The following SYNGR4 variants were observed in gnomAD, a reference collection of about 807,000 sequenced individuals.
SYNGR4 encodes synaptogyrin 4.
In SYNGR4, 15 loss-of-function variants were observed where a neutral mutation model predicts 15.5. The observed-to-expected ratio is 0.97, with a 90% CI of 0.65 to 1.49. The LOEUF (loss-of-function observed/expected upper bound fraction) is 1.49, where lower values mean the gene tolerates loss of function less well. SYNGR4 is among the 40% of genes most tolerant of loss of function. The pLI is 0.00. For synonymous variants in SYNGR4, 121 were observed against 127.4 expected, an observed-to-expected ratio of 0.95 and a Z score of 0.34; for missense variants, 292 against 299.3, an observed-to-expected ratio of 0.98 and a Z score of 0.18.
chr19:48,375,584 G>A (rs774716918), intron 3 of SYNGR4, 29 bp from the exon 4 acceptor site: 2 of 1,596,290 alleles, frequency 1.3e-6, no homozygotes, highest in Admixed American at 3.4e-5. Context: ...CTTTCCCCCT[G>A]CCCCTTTTCT....
chr19:48,375,503 C>G, intron 3 of SYNGR4, 110 bp from the exon 4 acceptor site: 1 of 1,383,228 alleles, frequency 7.2e-7, no homozygotes, highest in Non-Finnish European at 9.9e-7. Flanking sequence ...TTTTCAATAC[C>G]TCGTGGAAGT....
upstream of SYNGR4, chr19:48,364,275 T>C: frequency 2.9e-6 from 1 of 346,068 alleles, no homozygotes; most frequent in Non-Finnish European, 5.3e-6. Context: ...AGCTCCTGAG[T>C]AGGCGGAAAG....
At chr19:48,372,738 C>G (rs1444091086) in intron 2 of SYNGR4, among the ~76,000 whole-genome samples, 1 of 152,116 alleles carries the variant, frequency 6.6e-6, no homozygotes, top group African/African-American at 2.4e-5. Context: ...AAAAACAAGG[C>G]AAAATGTTAA....
Position 48,365,967 on chromosome 19 carries a change from T to C in SYNGR4, c.93+32T>C, listed in dbSNP as rs778284361. On this transcript the variant is annotated intron_variant, in intron 2 of 4. Transcript: ENST00000344846. ...CCCTCCCATGGCCCGACTGTGCCCC[T>C]GGGTGACAGGAGCCAGGAGCTCTCA... 1.3e-5 allele frequency: 21 copies of C among 1,609,156 alleles called. No homozygotes were observed. In the East Asian group the frequency reaches 4.7e-4, roughly 36 times the overall value.
In SYNGR4 at chr19:48,375,606, G is replaced by A. The variant is rs761187278; in HGVS notation, c.332-7G>A. The A allele has an allele frequency of 3.2e-5, 51 of 1,607,606 alleles. No individual in the cohort carries two copies. The highest frequency in any genetic ancestry group is 3.3e-4 in the Middle Eastern group (2 of 6,060). On this transcript the variant is annotated splice_polypyrimidine_tract_variant and splice_region_variant and intron_variant, in intron 3 of 4. Transcript: ENST00000344846. ...CCTGCCCCTTTTCTCTCCCTGTGAC[G>A]CCACAGTTCTCTGGGCAGTTGTCTG...
chr19:48,373,827 C>T (rs560401293), intron 3 of SYNGR4, 73 bp downstream of exon 3: 29 of 1,494,404 alleles, frequency 1.9e-5, no homozygotes, highest in Non-Finnish European at 2.6e-5. Flanking sequence ...CCCAGGGCCT[C>T]CCGGGCACAA....
chr19:48,369,123 AC>A (rs372944871), intron 2 of SYNGR4, among the ~76,000 whole-genome samples: 1 of 143,540 alleles, frequency 7.0e-6, no homozygotes, highest in East Asian at 2.1e-4. Flanking sequence ...CACCGTCCCT[AC>A]CCCCCCGCCC....
At chr19:48,367,520 A>G (rs1350073619) in intron 2 of SYNGR4, among the ~76,000 whole-genome samples, 1 of 152,126 alleles carries the variant, frequency 6.6e-6, no homozygotes, top group Non-Finnish European at 1.5e-5. Context: ...TCACGCAGTA[A>G]CAGGCAGGGG....
chr19:48,369,410 G>C (rs57912402), intron 2 of SYNGR4, among the ~76,000 whole-genome samples: 3,317 of 152,154 alleles, frequency 0.022, 118 homozygotes, highest in African/African-American at 0.075. Context: ...ACAGCCCACC[G>C]GCCTAGATGT....
chr19:48,367,825 A>C (rs1450561436), intron 2 of SYNGR4, among the ~76,000 whole-genome samples: 1 of 152,192 alleles, frequency 6.6e-6, no homozygotes, highest in Non-Finnish European at 1.5e-5. Context: ...ATCTCAGTAC[A>C]TGAAGGGTTA....
At chr19:48,369,523 T>TA (rs768406791) in intron 2 of SYNGR4, among the ~76,000 whole-genome samples, 43 of 152,096 alleles carry the variant, frequency 2.8e-4, no homozygotes, top group Non-Finnish European at 5.1e-4. Flanking sequence ...CCTGAGCACC[T>TA]ACTAGAGCCA....
At position 48,371,918 on chromosome 19, in the gene SYNGR4, C is replaced by T. The variant is rs528433023; in HGVS notation, c.94-1599C>T. ...GTTTTGAGACAGAGTCTTGCTCTCT[C>T]GCCTCGGCTGGAGTGCAGTGGCATG... is the stretch of plus-strand genomic sequence containing the variant. On this transcript the variant is annotated intron_variant, in intron 2 of 4. Coordinates refer to ENST00000344846, the MANE Select transcript of SYNGR4 (RefSeq NM_012451.4). Among the ~76,000 whole-genome samples the T allele has an allele frequency of 8.6e-5, 13 of 151,900 alleles. No individual in the cohort carries two copies. In the East Asian group the frequency reaches 1.2e-3, roughly 14 times the overall value.
intron 2 of SYNGR4, among the ~76,000 whole-genome samples, chr19:48,367,340 G>A (rs28450812): frequency 1.3e-5 from 2 of 151,860 alleles, no homozygotes; most frequent in South Asian, 4.2e-4. Flanking sequence ...GGCTGAGGCA[G>A]GAGAATGGCG....
intron 1 of SYNGR4, 70 bp downstream of exon 1, chr19:48,364,607 G>A (rs1355765949): frequency 6.6e-6 from 1 of 152,222 alleles, no homozygotes; most frequent in Non-Finnish European, 1.5e-5. Flanking sequence ...CTCCCAGCTT[G>A]AGGAGGTGCA....
intron 2 of SYNGR4, among the ~76,000 whole-genome samples, chr19:48,371,771 G>A (rs1164216567): frequency 5.9e-5 from 9 of 151,612 alleles, no homozygotes; most frequent in African/African-American, 1.7e-4. Flanking sequence ...AGTTTTGGTA[G>A]ATACTAGGTA....
chr19:48,376,248 C>G lies in SYNGR4; in HGVS notation c.635C>G (p.Ala212Gly). The G allele has an allele frequency of 6.2e-7, 1 of 1,614,116 alleles. No individual in the cohort carries two copies. The highest frequency in any genetic ancestry group is 8.5e-7 in the Non-Finnish European group (1 of 1,180,004). ...ACTGGCCCCAACAGCCTGAGTTATG[C>G]TAGCTCTGCCCTGTCCCCCTGTCTG... The part of the protein sequence containing the change: ...PTTGPNSLSY[A>G]SSALSPCLTA... The change falls in exon 5 of 5, where the codon GCT (alanine) becomes GGT (glycine). Residue 212 changes from alanine to glycine, a missense_variant. Ala to Gly is a moderately conservative substitution (Grantham distance 60, BLOSUM62 0). Coordinates refer to ENST00000344846, the MANE Select transcript of SYNGR4 (RefSeq NM_012451.4).
At chr19:48,365,556 C>A (rs955952252) in intron 1 of SYNGR4, among the ~76,000 whole-genome samples, 180 bp from the exon 2 acceptor site, 3 of 150,212 alleles carry the variant, frequency 2.0e-5, no homozygotes, top group African/African-American at 7.4e-5. Context: ...TTCTGGGGCC[C>A]CTGACAGCCC....
Position 48,373,532 on chromosome 19 carries a change from G to A in SYNGR4, c.109G>A (p.Val37Ile), listed in dbSNP as rs369599686. 15 of 1,613,440 alleles carry A rather than the reference G, an allele frequency of 9.3e-6. No individual in the cohort carries two copies. The highest frequency in any genetic ancestry group is 6.8e-6 in the Non-Finnish European group (8 of 1,179,996). ...RVFEGVFSLI[V>I]FSSLLTDGYQ... is the part of the protein sequence containing the mutation. ...AAATCCACAGGTCTTCTCCCTGATCGTCTTCTCCTCCCTGCTGACCGACGG... is the reference window on the plus strand; with the variant it reads ...AAATCCACAGGTCTTCTCCCTGATCATCTTCTCCTCCCTGCTGACCGACGG... The change falls in exon 3 of 5, where the codon GTC becomes ATC. Residue 37 changes from valine (V) to isoleucine (I), a missense_variant. Physicochemically the swap from Val to Ile is conservative, Grantham distance 29. Coordinates refer to ENST00000344846, the MANE Select transcript of SYNGR4 (RefSeq NM_012451.4).
intron 2 of SYNGR4, among the ~76,000 whole-genome samples, chr19:48,366,593 A>G (rs1970225048): frequency 2.6e-5 from 4 of 151,648 alleles, no homozygotes; most frequent in Admixed American, 1.3e-4. Flanking sequence ...TTTAGTAGAG[A>G]TGGGGTTTCG....
Sources: gnomAD v4.1 joint callset for allele counts (sites outside exome capture counted in the v4.1 genomes callset) on GRCh38, gnomAD v4.1.1 for gene constraint, MANE v1.5 for transcripts, NCBI Gene and HGNC (gene_info 2026-07-23, HGNC 2026-07-21) for gene names.